GABRG3: variants seen among roughly 807,000 people sequenced by gnomAD.
The protein encoded by GABRG3 is gamma-aminobutyric acid type A receptor subunit gamma3.
GABRG3 carries 25 observed loss-of-function variants against 48.8 expected under a neutral mutation model. The ratio of observed to expected loss-of-function variants is 0.51; its 90% CI spans 0.37 to 0.72. The LOEUF is 0.72. Ranked by LOEUF, GABRG3 falls within the 30% of genes least tolerant of loss-of-function variation. The pLI is 0.00. For synonymous variants in GABRG3, 227 were observed against 217.6 expected (o/e 1.04, Z -0.38); for missense variants, 394 against 577.9 (o/e 0.68, Z 3.26).
rs536148279 is a variant in GABRG3, at chr15:27,249,422, CT to C, written c.271-77386del. The stretch of plus-strand genomic sequence containing the variant: ...TGGGCCTTGCAGAGCAGCATGACCC[CT>C]GAGTCCCAAATGAGACCATCTCTGT... On this transcript the variant is annotated intron_variant, in intron 3 of 9. Transcript: ENST00000615808. Among the ~76,000 whole-genome samples the C allele has an allele frequency of 6.9e-4, 105 of 152,322 alleles. 1 individual carries two copies. The highest frequency in any genetic ancestry group is 2.6e-3 in the Admixed American group (40 of 15,296).
At chr15:27,128,405 A>C (rs1336972028) in intron 3 of GABRG3, among the ~76,000 whole-genome samples, 3 of 152,070 alleles carry the variant, frequency 2.0e-5, no homozygotes, top group African/African-American at 7.2e-5. Flanking sequence ...CAGGTACCGG[A>C]ATTATTTAAA....
chr15:27,119,474 G>T (rs1248769121), intron 3 of GABRG3, among the ~76,000 whole-genome samples: 1 of 152,212 alleles, frequency 6.6e-6, no homozygotes, highest in African/African-American at 2.4e-5. Context: ...TTTGCATGAT[G>T]ATAGTTATCT....
intron 3 of GABRG3, among the ~76,000 whole-genome samples, chr15:27,238,233 C>A (rs1890034942): frequency 6.6e-6 from 1 of 152,148 alleles, no homozygotes; most frequent in Admixed American, 6.5e-5. Flanking sequence ...AGGAAGCAGT[C>A]ACTGAACTTA....
At chr15:27,415,164 T>C (rs532918761) in intron 5 of GABRG3, among the ~76,000 whole-genome samples, 59 of 152,182 alleles carry the variant, frequency 3.9e-4, no homozygotes, top group Non-Finnish European at 7.4e-4. Context: ...CATATTCCCA[T>C]TATGCATGTG....
intron 3 of GABRG3, among the ~76,000 whole-genome samples, chr15:27,126,979 C>T (rs1175329349): frequency 1.3e-5 from 2 of 152,102 alleles, no homozygotes; most frequent in Admixed American, 1.3e-4. Flanking sequence ...ACCTCATGGC[C>T]AGCGGAGAGA....
At chr15:27,222,217 T>C (rs12324801) in intron 3 of GABRG3, among the ~76,000 whole-genome samples, 4,506 of 152,306 alleles carry the variant, frequency 0.03, 221 homozygotes, top group African/African-American at 0.1. Context: ...AGTCAGCAGC[T>C]AGAGACGTCC....
intron 2 of GABRG3, among the ~76,000 whole-genome samples, chr15:26,996,481 C>T (rs773828369): frequency 2.6e-5 from 4 of 151,928 alleles, no homozygotes; most frequent in Admixed American, 6.6e-5. Context: ...TTTTCTCTTG[C>T]GGCTTCCAAG....
At chr15:27,140,009 C>T (rs774218771) in intron 3 of GABRG3, among the ~76,000 whole-genome samples, 7 of 152,302 alleles carry the variant, frequency 4.6e-5, no homozygotes, top group South Asian at 2.1e-4. Context: ...AGCAGGGCCC[C>T]GGAGGCAGGT....
At chr15:27,263,593 A>G (rs547751475) in intron 3 of GABRG3, among the ~76,000 whole-genome samples, 1 of 152,270 alleles carries the variant, frequency 6.6e-6, no homozygotes, top group Non-Finnish European at 1.5e-5. Context: ...CTGTGGGAAA[A>G]TTTTTAAACT....
intron 2 of GABRG3, among the ~76,000 whole-genome samples, chr15:27,011,341 C>T (rs1162575810): frequency 6.6e-6 from 1 of 152,158 alleles, no homozygotes; most frequent in Non-Finnish European, 1.5e-5. Context: ...AATATCTTCT[C>T]CTCTCTCACT....
chr15:27,162,000 A>G (rs1887209065), intron 3 of GABRG3, among the ~76,000 whole-genome samples: 1 of 152,178 alleles, frequency 6.6e-6, no homozygotes, highest in Non-Finnish European at 1.5e-5. Context: ...GCATAGAAAT[A>G]AACTTACACA....
At chr15:27,291,930 T>C (rs758594816) in intron 3 of GABRG3, among the ~76,000 whole-genome samples, 1 of 152,184 alleles carries the variant, frequency 6.6e-6, no homozygotes. Flanking sequence ...ACTCTGCAAG[T>C]GTCATTGGGA....
chr15:27,361,156 A>G (rs1566805441), intron 5 of GABRG3, among the ~76,000 whole-genome samples: 1 of 152,178 alleles, frequency 6.6e-6, no homozygotes, highest in African/African-American at 2.4e-5. Flanking sequence ...GGCACGAGAG[A>G]GCAGGGTACT....
chr15:27,502,594 G>A (rs944343254), intron 6 of GABRG3, among the ~76,000 whole-genome samples: 2 of 152,020 alleles, frequency 1.3e-5, no homozygotes, highest in Non-Finnish European at 2.9e-5. Flanking sequence ...AAAGGTTGAG[G>A]GCTCTGTCCT....
intron 3 of GABRG3, among the ~76,000 whole-genome samples, chr15:27,279,006 A>G (rs1891346441): frequency 6.6e-6 from 1 of 152,040 alleles, no homozygotes; most frequent in Non-Finnish European, 1.5e-5. Flanking sequence ...TTCCTTTCTA[A>G]GTTTATGGCT....
intron 6 of GABRG3, among the ~76,000 whole-genome samples, chr15:27,509,537 T>C (rs1890847458): frequency 6.6e-6 from 1 of 152,212 alleles, no homozygotes; most frequent in Admixed American, 6.5e-5. Context: ...TTTTAACTCA[T>C]ATTTCTCTTT....
At position 26,976,661 on chromosome 15, in the gene GABRG3, A is replaced by G. The variant is rs1312886279; in HGVS notation, c.54-341A>G. Among the ~76,000 whole-genome samples, 1 of 152,194 alleles carries G rather than the reference A, an allele frequency of 6.6e-6. No individual in the cohort carries two copies. Among genetic ancestry groups the G allele is most frequent in the Non-Finnish European group, 1.5e-5 (1 of 68,042 alleles). On this transcript the variant is annotated intron_variant, in intron 1 of 9. Coordinates refer to ENST00000615808, the MANE Select transcript of GABRG3 (RefSeq NM_033223.5). This position sits in a 1 kb window ranked among gnomAD's most constrained non-coding sequence, Gnocchi z 7.8. ...CTAGAAGGTTTGTGCCTTGACCTTC[A>G]CAGGCTATCGGGGTGGATCCAAGGG...
chr15:27,383,762 A>T (rs574156136), intron 5 of GABRG3, among the ~76,000 whole-genome samples: 2 of 152,142 alleles, frequency 1.3e-5, no homozygotes, highest in African/African-American at 4.8e-5. Flanking sequence ...TTCATTGTTT[A>T]TTTTCAGAAA....
chr15:27,417,996 G>A (rs1001920964), intron 5 of GABRG3, among the ~76,000 whole-genome samples: 1 of 152,208 alleles, frequency 6.6e-6, no homozygotes, highest in African/African-American at 2.4e-5. Flanking sequence ...TGGTGAGTGG[G>A]AAAGGTCCAT....
Sources: allele counts gnomAD v4.1 joint callset (sites outside exome capture counted in the v4.1 genomes callset), GRCh38; gene constraint gnomAD v4.1.1; non-coding constraint Gnocchi (gnomAD v3.1); transcripts MANE v1.5; gene names NCBI Gene and HGNC (gene_info 2026-07-23, HGNC 2026-07-21).